The following SPIN4 variants were observed in gnomAD, a reference collection of about 807,000 sequenced individuals.
The protein encoded by SPIN4 is spindlin-4.
Under a neutral mutation model 10.4 loss-of-function variants are expected in SPIN4, and 4 were observed. The ratio of observed to expected loss-of-function variants is 0.38; its 90% CI spans 0.19 to 0.88. SPIN4 has a LOEUF of 0.88. Among genes scored for constraint, SPIN4 ranks in the 40% least tolerant of loss-of-function variants. The pLI, the probability that SPIN4 is intolerant of heterozygous loss-of-function variation, is 0.40. For missense variants in SPIN4, 126 were observed against 198.7 expected (o/e 0.63, Z 2.20); for synonymous variants, 71 against 78.4 (o/e 0.91, Z 0.50).
At position 63,350,346 on chromosome X, in the gene SPIN4, T is replaced by C. The variant is rs199617113; in HGVS notation, c.474A>G (p.Lys158=). The part of the protein sequence containing the change: ...MDTWFYITYE[K]DPVLYMYTLL... ...GCGTGTACATATAGAGAACAGGATC[T>C]TTCTCGTAGGTGATGTAAAACCAAG... Residue 158 remains lysine, a synonymous_variant, in exon 1 of 1, where the codon AAA becomes AAG. Coordinates refer to ENST00000374884, the MANE Select transcript of SPIN4 (RefSeq NM_001012968.3). The C allele has an allele frequency of 9.1e-6, 11 of 1,211,537 alleles. No homozygotes were observed. The highest frequency in any genetic ancestry group is 1.2e-5 in the Non-Finnish European group (11 of 895,505).
At position 63,348,938 on chromosome X, in the gene SPIN4, AG is replaced by A. The variant is rs1163990434; in HGVS notation, c.*1131del. ...GAAACCAAAATCTATAAAAGAGATA[AG>A]GGTCTACCTAAAAAGTTTAAAAATT... On this transcript the variant is annotated 3_prime_UTR_variant, in exon 1 of 1. Coordinates refer to ENST00000374884, the MANE Select transcript of SPIN4 (RefSeq NM_001012968.3). The A allele has an allele frequency of 1.8e-5, 2 of 112,265 alleles. No homozygotes were observed. Among genetic ancestry groups the A allele is most frequent in the African/African-American group, 6.5e-5 (2 of 30,940 alleles). The allele number at this position is 112,265 out of a possible 1,213,427, so 9.3% of individuals were successfully genotyped here.
rs1932978904 is a variant in SPIN4 at position 63,350,010 on chromosome X, GA to G, written c.*59del. 3.3e-5 allele frequency: 37 copies of G among 1,104,816 alleles called. No individual in the cohort carries two copies. The highest frequency in any genetic ancestry group is 4.3e-5 in the Non-Finnish European group (36 of 830,418). 91.0% of individuals were successfully genotyped at this position (1,104,816 alleles called of 1,213,427 possible). A position where few individuals can be genotyped will look rare whatever the true frequency, so the allele number is the denominator to read the frequency against. On this transcript the variant is annotated 3_prime_UTR_variant, in exon 1 of 1. Transcript: ENST00000374884. ...AACTCTTCTCTGCGTTCACAACTAC[GA>G]GAACACAAAATAATTCACATCTAAC...
rs781912616 is a variant in SPIN4, at chrX:63,350,303, C to A, written c.517G>T (p.Asp173Tyr). The A allele has an allele frequency of 1.7e-6, 2 of 1,209,406 alleles. No individual in the cohort carries two copies. Among genetic ancestry groups the A allele is most frequent in the Admixed American group, 2.2e-5 (1 of 45,695 alleles). Residue 173 changes from aspartate (D) to tyrosine (Y), a missense_variant, in exon 1 of 1, where the codon GAT becomes TAT. Physicochemically the swap from Asp to Tyr is radical, Grantham distance 160. Transcript: ENST00000374884. ...YMYTLLDDYK[D>Y]GDLRIIPDSN... ...TCTGGAATAATGCGTAAGTCACCATCTTTGTAGTCATCAAGCAGCGTGTAC... is the reference window on the plus strand; with the variant it reads ...TCTGGAATAATGCGTAAGTCACCATATTTGTAGTCATCAAGCAGCGTGTAC...
Position 63,350,892 on chromosome X carries a change from G to A in SPIN4, c.-73C>T. The A allele has an allele frequency of 9.0e-7, 1 of 1,107,521 alleles. No individual in the cohort carries two copies. Among genetic ancestry groups the A allele is most frequent in the South Asian group, 2.2e-5 (1 of 45,114 alleles). The allele number at this position is 1,107,521 out of a possible 1,213,427, so 91.3% of individuals were successfully genotyped here. ...TAAACTGACAAAAAGTCAACACTAT[G>A]CAATATGATATATATATTTTTTGCG... On this transcript the variant is annotated 5_prime_UTR_variant, in exon 1 of 1. Transcript: ENST00000374884.
rs1207033082 is a variant in SPIN4, at chrX:63,348,045, T to C, written c.*2025A>G. ...TTTTGCATTCTTACTTCCATGAAAA[T>C]TAAGAACAAGACAGTCACGTCTGTC... is the stretch of plus-strand genomic sequence containing the variant. On this transcript the variant is annotated 3_prime_UTR_variant, in exon 1 of 1. Transcript: ENST00000374884. 1 of 111,076 alleles carries C rather than the reference T, an allele frequency of 9.0e-6. No homozygotes were observed. Among genetic ancestry groups the C allele is most frequent in the Non-Finnish European group, 1.9e-5 (1 of 52,801 alleles). 9.2% of individuals were successfully genotyped at this position (111,076 alleles called of 1,213,427 possible). A position where few individuals can be genotyped will look rare whatever the true frequency, so the allele number is the denominator to read the frequency against.
rs782377325 is a variant in SPIN4, at chrX:63,350,266, T to C, written c.554A>G (p.Tyr185Cys). The change falls in exon 1 of 1, where the codon TAT (tyrosine) becomes TGT (cysteine). Residue 185 changes from tyrosine to cysteine, a missense_variant. Transcript: ENST00000374884. ...AGGCTCCTGTTCTGCTGTAGGGAAA[T>C]AGTAGTTGGAATCTGGAATAATGCG... is the stretch of plus-strand genomic sequence containing the variant. Reference protein sequence around the residue: ...DLRIIPDSNYYFPTAEQEPGE... With the variant: ...DLRIIPDSNYCFPTAEQEPGE... 4 of 1,209,025 alleles carry C rather than the reference T, an allele frequency of 3.3e-6. No homozygotes were observed. The Admixed American group carries it at 6.6e-5, about 20-fold the overall frequency.
chrX:63,351,008 T>C lies in SPIN4; in HGVS notation c.-189A>G, dbSNP rs1602059255. On this transcript the variant is annotated 5_prime_UTR_variant, in exon 1 of 1. Coordinates refer to ENST00000374884, the MANE Select transcript of SPIN4 (RefSeq NM_001012968.3). The stretch of plus-strand genomic sequence containing the variant: ...ACGCTCGAACTCTAACCGTGAGCAC[T>C]GGGACAGCGTGTGCCTCTCCACAGT... The C allele has an allele frequency of 4.2e-6, 2 of 472,081 alleles. No homozygotes were observed. The highest frequency in any genetic ancestry group is 7.6e-5 in the East Asian group (2 of 26,333). The allele number at this position is 472,081 out of a possible 1,213,427, so 38.9% of individuals were successfully genotyped here.
rs782459811 is a variant in SPIN4, at chrX:63,350,418, C to T, written c.402G>A (p.Lys134=). Residue 134 remains lysine (K), a synonymous_variant, in exon 1 of 1, where the codon AAG becomes AAA. Transcript: ENST00000374884. The stretch of plus-strand genomic sequence containing the variant: ...CCAGGACCATACCCTTCCATTCATC[C>T]TTGGTACCATGTTCACCTTCAAACA... ...EHVFEGEHGT[K]DEWKGMVLAR... The T allele has an allele frequency of 6.6e-6, 8 of 1,209,613 alleles. No individual in the cohort carries two copies. Among genetic ancestry groups the T allele is most frequent in the Non-Finnish European group, 8.9e-6 (8 of 895,227 alleles).
chrX:63,350,176 C>A lies in SPIN4; in HGVS notation c.644G>T (p.Arg215Ile). 1 of 1,211,753 alleles carries A rather than the reference C, an allele frequency of 8.3e-7. No homozygotes were observed. The highest frequency in any genetic ancestry group is 1.1e-6 in the Non-Finnish European group (1 of 895,529). ...CACTTGATGTATAAAAATGCCAGTTCTCTTGGACCCGTCATCTTTGGCATG... is the reference window on the plus strand; with the variant it reads ...CACTTGATGTATAAAAATGCCAGTTATCTTGGACCCGTCATCTTTGGCATG... Reference protein sequence around the residue: ...VEHAKDDGSKRTGIFIHQVVA... With the variant: ...VEHAKDDGSKITGIFIHQVVA... The change falls in exon 1 of 1, where the codon AGA (arginine) becomes ATA (isoleucine). Residue 215 changes from arginine to isoleucine, a missense_variant. Physicochemically the swap from Arg to Ile is moderately conservative, Grantham distance 97. Coordinates refer to ENST00000374884, the MANE Select transcript of SPIN4 (RefSeq NM_001012968.3).
At position 63,348,028 on chromosome X, in the gene SPIN4, TCTTA is replaced by T. The variant is rs1932953630; in HGVS notation, c.*2038_*2041del. ...ACTATTCCCTATTAATATTTTGCAT[TCTTA>T]CTTCCATGAAAATTAAGAACAAGAC... On this transcript the variant is annotated 3_prime_UTR_variant, in exon 1 of 1. Coordinates refer to ENST00000374884, the MANE Select transcript of SPIN4 (RefSeq NM_001012968.3). 9.0e-6 allele frequency: 1 copy of T among 111,331 alleles called. No homozygotes were observed. The highest frequency in any genetic ancestry group is 3.3e-5 in the African/African-American group (1 of 30,694). The allele number at this position is 111,331 out of a possible 1,213,427, so 9.2% of individuals were successfully genotyped here.
Position 63,350,893 on chromosome X carries a change from C to A in SPIN4, c.-74G>T. 9.0e-7 allele frequency: 1 copy of A among 1,106,002 alleles called. No homozygotes were observed. The highest frequency in any genetic ancestry group is 1.2e-6 in the Non-Finnish European group (1 of 830,366). 91.1% of individuals were successfully genotyped at this position (1,106,002 alleles called of 1,213,427 possible). A position where few individuals can be genotyped will look rare whatever the true frequency, so the allele number is the denominator to read the frequency against. On this transcript the variant is annotated 5_prime_UTR_variant, in exon 1 of 1. Transcript: ENST00000374884. Reference sequence around the variant, plus strand: ...AAACTGACAAAAAGTCAACACTATGCAATATGATATATATATTTTTTGCGA... The same window carrying A: ...AAACTGACAAAAAGTCAACACTATGAAATATGATATATATATTTTTTGCGA...
chrX:63,349,962 C>T lies in SPIN4; in HGVS notation c.*108G>A. On this transcript the variant is annotated 3_prime_UTR_variant, in exon 1 of 1. Coordinates refer to ENST00000374884, the MANE Select transcript of SPIN4 (RefSeq NM_001012968.3). ...TTGTTGGCACAATAAAATTTATCCA[C>T]TTTCCTGAATTTCTGACACCTAAAC... is the stretch of plus-strand genomic sequence containing the variant. The T allele has an allele frequency of 1.1e-6, 1 of 871,635 alleles. No individual in the cohort carries two copies. The allele number at this position is 871,635 out of a possible 1,213,427, so 71.8% of individuals were successfully genotyped here. A position where few individuals can be genotyped will look rare whatever the true frequency, so the allele number is the denominator to read the frequency against.
Position 63,349,465 on chromosome X carries a change from A to G in SPIN4, c.*605T>C, listed in dbSNP as rs1932972439. The stretch of plus-strand genomic sequence containing the variant: ...TGAATGCCTTTTTGGTACATCAACA[A>G]GTACTGTGTATTCAGCTGTTAGAGT... On this transcript the variant is annotated 3_prime_UTR_variant, in exon 1 of 1. Transcript: ENST00000374884. 8.9e-6 allele frequency: 1 copy of G among 111,774 alleles called. No homozygotes were observed. The highest frequency in any genetic ancestry group is 3.8e-4 in the South Asian group (1 of 2,622). 9.2% of individuals were successfully genotyped at this position (111,774 alleles called of 1,213,427 possible).
At position 63,350,534 on chromosome X, in the gene SPIN4, A is replaced by C; in HGVS notation, c.286T>G (p.Leu96Val). The change falls in exon 1 of 1, where the codon TTA becomes GTA. Residue 96 changes from leucine to valine, a missense_variant. By Grantham distance (32) the Leu-to-Val change is conservative (BLOSUM62 1). Transcript: ENST00000374884. ...GLELHRDKRV[L>V]ALEILPERVP... ...CTCTCAGGAAGGATCTCTAGCGCTA[A>C]AACTCTCTTATCGCGGTGCAGTTCT... 8.3e-7 allele frequency: 1 copy of C among 1,211,106 alleles called. No individual in the cohort carries two copies. Among genetic ancestry groups the C allele is most frequent in the Non-Finnish European group, 1.1e-6 (1 of 895,208 alleles).
In SPIN4 at chrX:63,349,271, G is replaced by C. The variant is rs1468869058; in HGVS notation, c.*799C>G. On this transcript the variant is annotated 3_prime_UTR_variant, in exon 1 of 1. Coordinates refer to ENST00000374884, the MANE Select transcript of SPIN4 (RefSeq NM_001012968.3). ...AGAGTGCTGGAGAGGACGCTGGAACGGGCGCTTTCATTTTGGATAGTAATC... is the reference window on the plus strand; with the variant it reads ...AGAGTGCTGGAGAGGACGCTGGAACCGGCGCTTTCATTTTGGATAGTAATC... 2 of 111,703 alleles carry C rather than the reference G, an allele frequency of 1.8e-5. No homozygotes were observed. The highest frequency in any genetic ancestry group is 3.8e-5 in the Non-Finnish European group (2 of 53,062). 9.2% of individuals were successfully genotyped at this position (111,703 alleles called of 1,213,427 possible).
At position 63,348,981 on chromosome X, in the gene SPIN4, C is replaced by T. The variant is rs182615275; in HGVS notation, c.*1089G>A. ...TTAAAAATTTTAAAGGAAAATATAT[C>T]ATCAATAAAGTCAAGATGAAAACGT... On this transcript the variant is annotated 3_prime_UTR_variant, in exon 1 of 1. Transcript: ENST00000374884. 8.9e-6 allele frequency: 1 copy of T among 111,870 alleles called. No individual in the cohort carries two copies. Among genetic ancestry groups the T allele is most frequent in the African/African-American group, 3.2e-5 (1 of 30,871 alleles). 9.2% of individuals were successfully genotyped at this position (111,870 alleles called of 1,213,427 possible).
At position 63,350,938 on chromosome X, in the gene SPIN4, G is replaced by T; in HGVS notation, c.-119C>A. The T allele has an allele frequency of 2.2e-6, 2 of 920,766 alleles. No individual in the cohort carries two copies. 75.9% of individuals were successfully genotyped at this position (920,766 alleles called of 1,213,427 possible). The stretch of plus-strand genomic sequence containing the variant: ...TTGCGATCTCAAAGACCTGGTCTGT[G>T]CTCCCTTCTCCAAGTGCAAGGCTCT... On this transcript the variant is annotated 5_prime_UTR_variant, in exon 1 of 1. Coordinates refer to ENST00000374884, the MANE Select transcript of SPIN4 (RefSeq NM_001012968.3).
At position 63,348,654 on chromosome X, in the gene SPIN4, A is replaced by C. The variant is rs1932962487; in HGVS notation, c.*1416T>G. 9.0e-6 allele frequency: 1 copy of C among 110,948 alleles called. No homozygotes were observed. Among genetic ancestry groups the C allele is most frequent in the African/African-American group, 3.3e-5 (1 of 30,619 alleles). 9.1% of individuals were successfully genotyped at this position (110,948 alleles called of 1,213,427 possible). ...TGGGACTTGCTTTATCGGATTCTAA[A>C]ACTTACGATGAAGCCACTATAATTA... On this transcript the variant is annotated 3_prime_UTR_variant, in exon 1 of 1. Transcript: ENST00000374884.
In SPIN4 at chrX:63,350,666, C is replaced by G. The variant is rs1556016577; in HGVS notation, c.154G>C (p.Gly52Arg). 5.8e-6 allele frequency: 7 copies of G among 1,211,445 alleles called. No homozygotes were observed. Among genetic ancestry groups the G allele is most frequent in the Non-Finnish European group, 7.8e-6 (7 of 895,337 alleles). The change falls in exon 1 of 1, where the codon GGC becomes CGC. Residue 52 changes from glycine (G) to arginine (R), a missense_variant. Gly to Arg is a moderately radical substitution (Grantham distance 125). Coordinates refer to ENST00000374884, the MANE Select transcript of SPIN4 (RefSeq NM_001012968.3). ...GCRIQHGWKEGNEPVEQWKGT... is the reference protein window; with the variant it reads ...GCRIQHGWKERNEPVEQWKGT... Reference sequence around the variant, plus strand: ...TTCCACTGCTCCACTGGCTCGTTGCCTTCCTTCCAGCCGTGTTGAATGCGG... The same window carrying G: ...TTCCACTGCTCCACTGGCTCGTTGCGTTCCTTCCAGCCGTGTTGAATGCGG...
Sources: allele counts gnomAD v4.1 joint callset, GRCh38; gene constraint gnomAD v4.1.1; transcripts MANE v1.5; gene names NCBI Gene and HGNC (gene_info 2026-07-23, HGNC 2026-07-21).